Variants in INSL6 observed in about 807,000 individuals in gnomAD.
INSL6 encodes insulin like 6, also known as insulin-like peptide INSL6.
INSL6 carries 16 observed loss-of-function variants against 9.4 expected under a neutral mutation model. The ratio of observed to expected loss-of-function variants is 1.70; its 90% CI spans 1.15 to 2.59. INSL6 has a LOEUF of 2.59. Among genes scored for constraint, INSL6 ranks in the 30% most tolerant of loss-of-function variants. The pLI, the probability that INSL6 is intolerant of heterozygous loss-of-function variation, is 0.00. For missense variants in INSL6, 391 were observed against 257.3 expected, an observed-to-expected ratio of 1.52 and a Z score of -3.56; for synonymous variants, 154 against 96.9, an observed-to-expected ratio of 1.59 and a Z score of -3.46.
chr9:5,004,194 G>A, the INSL6 span, among the ~76,000 whole-genome samples: 1 of 151,964 alleles, frequency 6.6e-6, no homozygotes, highest in African/African-American at 2.4e-5. Flanking sequence ...TATTGTTATT[G>A]GTAATCACCA....
downstream of INSL6, among the ~76,000 whole-genome samples, chr9:5,163,558 T>C (rs184867811): frequency 6.6e-6 from 1 of 152,288 alleles, no homozygotes; most frequent in East Asian, 1.9e-4. Context: ...AGCCTAACAG[T>C]CATGGGCATC....
At chr9:4,998,501 C>T in the INSL6 span, among the ~76,000 whole-genome samples, 468 of 152,144 alleles carry the variant, frequency 3.1e-3, no homozygotes, top group African/African-American at 1.0e-2. Flanking sequence ...GTGATCCGCC[C>T]GCCTTGGCCT....
intron 3 of INSL6, chr9:5,127,852 A>AAGAG (rs1824099115): frequency 4.3e-6 from 1 of 232,528 alleles, no homozygotes; most frequent in Non-Finnish European, 8.5e-6. Context: ...GCAGTCATAG[A>AAGAG]AGAGATTTAT....
chr9:5,102,389 A>C, the INSL6 span, among the ~76,000 whole-genome samples: 1 of 152,258 alleles, frequency 6.6e-6, no homozygotes, highest in Non-Finnish European at 1.5e-5. Flanking sequence ...ATACAGGACT[A>C]TGTGAAAAGA....
chr9:5,174,745 C>T (rs894029764), intron 1 of INSL6, among the ~76,000 whole-genome samples: 4 of 152,158 alleles, frequency 2.6e-5, no homozygotes, highest in African/African-American at 9.7e-5. Flanking sequence ...ACTTCCTACT[C>T]AACAAGTCCA....
chr9:5,095,708 T>C, the INSL6 span, among the ~76,000 whole-genome samples: 1 of 152,150 alleles, frequency 6.6e-6, no homozygotes, highest in Non-Finnish European at 1.5e-5. Flanking sequence ...ATCCTATCCA[T>C]TAACGTAAGC....
chr9:4,992,471 A>T, the INSL6 span, among the ~76,000 whole-genome samples: 1 of 152,160 alleles, frequency 6.6e-6, no homozygotes, highest in African/African-American at 2.4e-5. Flanking sequence ...AAATAGTGTT[A>T]TGGCCATCTT....
At chr9:5,106,884 C>G in the INSL6 span, among the ~76,000 whole-genome samples, 1 of 151,962 alleles carries the variant, frequency 6.6e-6, no homozygotes, top group Admixed American at 6.5e-5. Context: ...GAACATCACA[C>G]AAAGGGGCCC....
At chr9:5,000,312 T>C in the INSL6 span, among the ~76,000 whole-genome samples, 2 of 152,156 alleles carry the variant, frequency 1.3e-5, no homozygotes, top group African/African-American at 2.4e-5. Context: ...TAGTTAGATA[T>C]AAAACATACC....
the INSL6 span, among the ~76,000 whole-genome samples, chr9:5,020,813 G>T: frequency 6.6e-6 from 1 of 152,274 alleles, no homozygotes; most frequent in East Asian, 1.9e-4. Context: ...GTGACTGTCG[G>T]TGGAGGATGT....
chr9:5,067,107 G>A, the INSL6 span, among the ~76,000 whole-genome samples: 1 of 152,052 alleles, frequency 6.6e-6, no homozygotes, highest in Non-Finnish European at 1.5e-5. Flanking sequence ...TGCAAAACTG[G>A]AAATCTTTGC....
At chr9:5,029,826 A>C in the INSL6 span, 6 of 1,611,578 alleles carry the variant, frequency 3.7e-6, no homozygotes, top group Non-Finnish European at 5.1e-6. Context: ...TAATGAGTGA[A>C]ACAGAAAGGA....
chr9:5,159,981 C>T (rs151190032), downstream of INSL6, among the ~76,000 whole-genome samples: 1,864 of 152,188 alleles, frequency 0.012, 22 homozygotes, highest in Middle Eastern at 0.041. Flanking sequence ...TTGAGACCAA[C>T]CTGGCCAACA....
chr9:5,014,256 G>C, the INSL6 span, among the ~76,000 whole-genome samples: 1 of 145,080 alleles, frequency 6.9e-6, no homozygotes, highest in Admixed American at 7.2e-5. Context: ...CTCTCACCTT[G>C]GCTTCCCAGA....
rs145699582 is a variant in INSL6, at chr9:5,169,600, C to T, written c.290-5335G>A. Among the ~76,000 whole-genome samples the T allele has an allele frequency of 2.4e-3, 364 of 152,254 alleles. 2 individuals are homozygous for T. The highest frequency in any genetic ancestry group is 5.6e-4 in the Non-Finnish European group (38 of 68,038). On this transcript the variant is annotated intron_variant, in intron 1 of 1. Coordinates refer to ENST00000381641, the MANE Select transcript of INSL6 (RefSeq NM_007179.3). ...GCAAGCTGGATAAACAGTCATGATCCATTGGTGTGCTGAATTCAAGAGACT... is the reference window on the plus strand; with the variant it reads ...GCAAGCTGGATAAACAGTCATGATCTATTGGTGTGCTGAATTCAAGAGACT...
intron 1 of INSL6, among the ~76,000 whole-genome samples, chr9:5,176,581 CGAT>C (rs1230316039): frequency 2.6e-5 from 4 of 151,696 alleles, no homozygotes; most frequent in East Asian, 3.9e-4. Context: ...GCCCTATTTA[CGAT>C]GATTAAAAAA....
At chr9:5,128,662 CTTGTT>C (rs1824157110) in intron 3 of INSL6, among the ~76,000 whole-genome samples, 1 of 151,834 alleles carries the variant, frequency 6.6e-6, no homozygotes, top group African/African-American at 2.4e-5. Context: ...CATGTACATT[CTTGTT>C]TTTAGAATGG....
At chr9:5,004,467 T>C in the INSL6 span, among the ~76,000 whole-genome samples, 9 of 152,192 alleles carry the variant, frequency 5.9e-5, no homozygotes, top group African/African-American at 2.2e-4. Context: ...GACAAGATTT[T>C]CTTCTTTTTT....
chr9:5,001,615 T>G, the INSL6 span, among the ~76,000 whole-genome samples: 3 of 147,592 alleles, frequency 2.0e-5, no homozygotes, highest in South Asian at 6.7e-4. Context: ...ATGAGAAACA[T>G]TTGCCTGTAA....
Sources: allele counts gnomAD v4.1 joint callset (sites outside exome capture counted in the v4.1 genomes callset), GRCh38; gene constraint gnomAD v4.1.1; transcripts MANE v1.5; gene names NCBI Gene and HGNC (gene_info 2026-07-23, HGNC 2026-07-21).